The following FRMPD4 variants were observed in gnomAD, a reference collection of about 807,000 sequenced individuals.
The protein encoded by FRMPD4 is FERM and PDZ domain-containing protein 4.
Under a neutral mutation model 94.1 loss-of-function variants are expected in FRMPD4, and 22 were observed. The observed-to-expected ratio is 0.23, with a 90% CI of 0.17 to 0.33. The LOEUF (loss-of-function observed/expected upper bound fraction) is 0.33. Among genes scored for constraint, FRMPD4 ranks in the 10% least tolerant of loss-of-function variants. The pLI is 1.00. For missense variants in FRMPD4, 1,111 were observed against 1,339.9 expected (o/e 0.83, Z 2.67); for synonymous variants, 631 against 548.6 (o/e 1.15, Z -2.10).
intron 3 of FRMPD4, among the ~76,000 whole-genome samples, chrX:12,064,662 G>A (rs977916568): frequency 1.8e-5 from 2 of 111,817 alleles, no homozygotes; most frequent in Non-Finnish European, 3.8e-5. Context: ...TACACTGAGG[G>A]TAATCTGTGC....
chrX:12,498,930 T>G, intron 2 of FRMPD4, 134 bp downstream of exon 2: 1 of 306,517 alleles, frequency 3.3e-6, no homozygotes, highest in Non-Finnish European at 5.9e-6. Context: ...GCTGGATCTC[T>G]TAAGCCAGCT....
chrX:11,842,851 T>C (rs2053546424), intron 1 of FRMPD4, among the ~76,000 whole-genome samples: 1 of 106,828 alleles, frequency 9.4e-6, no homozygotes, highest in Admixed American at 1.0e-4. Context: ...ATGCTTCCAG[T>C]TTTTGCCCAT....
chrX:11,835,871 C>G (rs759352465), intron 1 of FRMPD4, among the ~76,000 whole-genome samples: 27 of 112,177 alleles, frequency 2.4e-4, no homozygotes, highest in African/African-American at 8.4e-4. Context: ...TTGAAATATT[C>G]TCTAAGCTAT....
At chrX:12,480,333 G>GAAAAAAAAAAAAAAAAAAAAAACAAA (rs35074731) in intron 1 of FRMPD4, among the ~76,000 whole-genome samples, 1 of 54,670 alleles carries the variant, frequency 1.8e-5, no homozygotes, top group Non-Finnish European at 3.1e-5. Flanking sequence ...GAAAAGAAAT[G>GAAAAAAAAAAAAAAAAAAAAAACAAA]AAAAAAAAAA....
intron 1 of FRMPD4, among the ~76,000 whole-genome samples, chrX:12,165,211 T>C (rs1407615504): frequency 8.9e-6 from 1 of 112,416 alleles, no homozygotes; most frequent in Non-Finnish European, 1.9e-5. Context: ...TAATCCATCT[T>C]GAATTAATTT....
intron 3 of FRMPD4, among the ~76,000 whole-genome samples, chrX:11,989,639 G>T (rs1326831106): frequency 5.4e-5 from 6 of 111,786 alleles, no homozygotes; most frequent in South Asian, 3.7e-4. Context: ...ATAACAAAGA[G>T]TATAATTGGA....
rs542132224 is a variant in FRMPD4, at chrX:12,151,586, G to A, written c.41+12574G>A. Among the ~76,000 whole-genome samples the A allele has an allele frequency of 3.6e-5, 4 of 111,843 alleles. No individual in the cohort carries two copies. In the South Asian group the frequency reaches 1.1e-3, roughly 31 times the overall value. ...GTAAAAAGTTCTGAATATATAGAAT[G>A]TATTTAAAAAGATATATAAATGTTT... On this transcript the variant is annotated intron_variant, in intron 1 of 16. Transcript: ENST00000675598.
chrX:12,685,908 C>A (rs2060018631), intron 6 of FRMPD4, among the ~76,000 whole-genome samples, 189 bp from the exon 7 acceptor site: 1 of 112,253 alleles, frequency 8.9e-6, no homozygotes. Flanking sequence ...GATTGATTTT[C>A]TGATGAGCAA....
intron 4 of FRMPD4, 73 bp downstream of exon 4, chrX:12,614,954 G>C (rs1008261376): frequency 1.9e-6 from 1 of 512,909 alleles, no homozygotes. Flanking sequence ...TCAATTAGCA[G>C]AGGAAGAGCC....
At chrX:11,985,996 C>G (rs1655034490) in intron 3 of FRMPD4, among the ~76,000 whole-genome samples, 1 of 112,854 alleles carries the variant, frequency 8.9e-6, no homozygotes, top group African/African-American at 3.2e-5. Flanking sequence ...GGACACGAAC[C>G]TGGCTTGCTT....
At chrX:12,546,177 C>CT (rs11321204) in intron 2 of FRMPD4, among the ~76,000 whole-genome samples, 114 of 91,925 alleles carry the variant, frequency 1.2e-3, no homozygotes, top group South Asian at 6.6e-3. Flanking sequence ...TGCCAACTGT[C>CT]TTTTTTTTTT....
chrX:12,548,888 T>C (rs865808025), intron 2 of FRMPD4, among the ~76,000 whole-genome samples: 3 of 111,265 alleles, frequency 2.7e-5, no homozygotes, highest in East Asian at 2.8e-4. Flanking sequence ...AGGAAGCCAA[T>C]AGGGCCCAAA....
intron 9 of FRMPD4, among the ~76,000 whole-genome samples, chrX:12,698,607 T>C (rs150415674): frequency 0.027 from 2,953 of 110,142 alleles, 104 homozygotes; most frequent in African/African-American, 0.093. Flanking sequence ...GCATGATTAG[T>C]ACCAAATATA....
chrX:12,072,043 T>A (rs2054973305), intron 3 of FRMPD4, among the ~76,000 whole-genome samples: 1 of 111,223 alleles, frequency 9.0e-6, no homozygotes, highest in Non-Finnish European at 1.9e-5. Flanking sequence ...CAGGCTGGCA[T>A]ACAGTGGTGC....
intron 5 of FRMPD4, among the ~76,000 whole-genome samples, chrX:12,675,536 G>C (rs1381654352): frequency 1.8e-5 from 2 of 110,373 alleles, no homozygotes; most frequent in Non-Finnish European, 3.8e-5. Flanking sequence ...GGTATGCAAC[G>C]ATCACCCCAT....
chrX:11,994,869 A>G (rs714580), intron 3 of FRMPD4, among the ~76,000 whole-genome samples: 9,062 of 111,423 alleles, frequency 0.081, 335 homozygotes, highest in East Asian at 0.24. Context: ...CAGTTCTGTA[A>G]GAATTGATGC....
At chrX:11,863,359 T>G in intron 1 of FRMPD4, among the ~76,000 whole-genome samples, 3 of 111,071 alleles carry the variant, frequency 2.7e-5, no homozygotes. Context: ...ACTCATCATT[T>G]TTTATGGCTG....
chrX:12,707,201 C>T (rs4483343), intron 12 of FRMPD4, among the ~76,000 whole-genome samples: 32,239 of 109,762 alleles, frequency 0.29, 3,451 homozygotes, highest in Middle Eastern at 0.35. Flanking sequence ...AAAGGAAAAC[C>T]AAAAAGAAAA....
intron 1 of FRMPD4, among the ~76,000 whole-genome samples, chrX:12,326,585 C>T (rs1868952399): frequency 8.9e-6 from 1 of 111,930 alleles, no homozygotes; most frequent in Non-Finnish European, 1.9e-5. Flanking sequence ...GCTGAGAAAT[C>T]TGTGCCTCTC....
Sources: allele counts gnomAD v4.1 joint callset (sites outside exome capture counted in the v4.1 genomes callset), GRCh38; gene constraint gnomAD v4.1.1; transcripts MANE v1.5; gene names NCBI Gene and HGNC (gene_info 2026-07-23, HGNC 2026-07-21).